Variants in ZNF592 observed in about 807,000 individuals in gnomAD.
ZNF592 encodes the protein zinc finger protein 592.
ZNF592 carries 11 observed loss-of-function variants against 80.3 expected under a neutral mutation model. The observed-to-expected ratio is 0.14, with a 90% confidence interval of 0.09 to 0.23. The LOEUF (loss-of-function observed/expected upper bound fraction) is 0.23. Ranked by LOEUF, ZNF592 falls within the 10% of genes least tolerant of loss-of-function variation. The pLI is 1.00. For missense variants in ZNF592, 1,420 were observed against 1,633.9 expected (o/e 0.87, Z 2.26); for synonymous variants, 646 against 640.3 (o/e 1.01, Z -0.13).
In ZNF592 at chr15:84,798,468, C is replaced by T. The variant is rs759629965; in HGVS notation, c.2730C>T (p.His910=). 9 of 1,613,788 alleles carry T rather than the reference C, an allele frequency of 5.6e-6. No homozygotes were observed. The highest frequency in any genetic ancestry group is 3.3e-5 in the South Asian group (3 of 91,060). Residue 910 remains histidine (H), a synonymous_variant, in exon 7 of 11, where the codon CAC becomes CAT. Coordinates refer to ENST00000560079, the MANE Select transcript of ZNF592 (RefSeq NM_014630.3). This position sits in a 1 kb window ranked among gnomAD's most constrained non-coding sequence, Gnocchi z 4.5. ...TGCAGAAGCCGGAGTTGATGCAACACGTCAAGGTGGGATGCCTTGCGGGAG... is the reference window on the plus strand; with the variant it reads ...TGCAGAAGCCGGAGTTGATGCAACATGTCAAGGTGGGATGCCTTGCGGGAG... ...LFVQKPELMQ[H]VKSTHGVPRN...
At chr15:84,765,759 C>G (rs1433635734) in intron 2 of ZNF592, among the ~76,000 whole-genome samples, 1 of 151,760 alleles carries the variant, frequency 6.6e-6, no homozygotes, top group African/African-American at 2.4e-5. Context: ...GGATGGTCTC[C>G]ATCTCTTGAC....
chr15:84,766,655 G>A (rs1023345875), intron 2 of ZNF592, among the ~76,000 whole-genome samples: 1 of 151,760 alleles, frequency 6.6e-6, no homozygotes, highest in African/African-American at 2.4e-5. Context: ...AGAAGAGAGG[G>A]AGAGAAAGTG....
chr15:84,756,336 T>A (rs1899169355), intron 1 of ZNF592, among the ~76,000 whole-genome samples: 1 of 152,238 alleles, frequency 6.6e-6, no homozygotes, highest in African/African-American at 2.4e-5. Context: ...ATTCCCCTGG[T>A]TTGCTGTAGT....
chr15:84,796,975 C>G (rs753009676), intron 5 of ZNF592, among the ~76,000 whole-genome samples: 1 of 152,068 alleles, frequency 6.6e-6, no homozygotes, highest in Non-Finnish European at 1.5e-5. Flanking sequence ...CCCCCGCTCC[C>G]CCCCAAGAGA....
chr15:84,776,968 C>T (rs1196113495), intron 2 of ZNF592, among the ~76,000 whole-genome samples: 1 of 152,012 alleles, frequency 6.6e-6, no homozygotes, highest in South Asian at 2.1e-4. Flanking sequence ...GGAAGAGTCG[C>T]TTGAACCTGG....
Position 84,755,103 on chromosome 15 carries a change from G to A in ZNF592, c.-259+6439G>A, listed in dbSNP as rs112712709. On this transcript the variant is annotated intron_variant, in intron 1 of 10. Transcript: ENST00000560079. Reference sequence around the variant, plus strand: ...CTCCGGAGTAGCTGGGACTACAGGCGTCCATCACCACACCCAGCTAATTTT... The same window carrying A: ...CTCCGGAGTAGCTGGGACTACAGGCATCCATCACCACACCCAGCTAATTTT... Among the ~76,000 whole-genome samples the A allele has an allele frequency of 9.0e-3, 1,326 of 147,406 alleles. 17 individuals are homozygous for A. The highest frequency in any genetic ancestry group is 0.032 in the African/African-American group (1,271 of 39,966).
At chr15:84,789,331 A>G (rs905373746) in intron 4 of ZNF592, among the ~76,000 whole-genome samples, 3 of 151,752 alleles carry the variant, frequency 2.0e-5, no homozygotes, top group Non-Finnish European at 2.9e-5. Flanking sequence ...CCTTTCATCC[A>G]TTGATGGATA....
Position 84,798,241 on chromosome 15 carries a change from C to A in ZNF592, c.2577-74C>A. ...TGCTTTCCCAAACTTGACCCTGGTT[C>A]AGAGAGAGCAGAGATGGGTGGAGGG... On this transcript the variant is annotated intron_variant, in intron 6 of 10. Coordinates refer to ENST00000560079, the MANE Select transcript of ZNF592 (RefSeq NM_014630.3). This position sits in a 1 kb window ranked among gnomAD's most constrained non-coding sequence, Gnocchi z 4.5. The A allele has an allele frequency of 1.2e-6, 2 of 1,608,042 alleles. No homozygotes were observed. Among genetic ancestry groups the A allele is most frequent in the Non-Finnish European group, 8.5e-7 (1 of 1,177,046 alleles).
chr15:84,757,399 G>C (rs1761517457), intron 1 of ZNF592, among the ~76,000 whole-genome samples: 1 of 149,474 alleles, frequency 6.7e-6, no homozygotes, highest in African/African-American at 2.5e-5. Flanking sequence ...GAGTTGGAGT[G>C]CAGTGGTGCA....
rs941138453 is a variant in ZNF592 at position 84,802,382 on chromosome 15, C to A, written c.3793C>A (p.Pro1265Thr). The A allele has an allele frequency of 6.2e-7, 1 of 1,613,480 alleles. No homozygotes were observed. Among genetic ancestry groups the A allele is most frequent in the Non-Finnish European group, 8.5e-7 (1 of 1,180,014 alleles). Residue 1265 changes from proline to threonine, a missense_variant, in exon 11 of 11, where the codon CCT (proline) becomes ACT (threonine). Transcript: ENST00000560079. ...SQDQDSHTLS[P>T]QV ...GGACCAGGACAGCCACACACTGTCC[C>A]CTCAGGTGTGACCGGAGACTTTGCA...
intron 5 of ZNF592, among the ~76,000 whole-genome samples, chr15:84,792,886 T>A (rs1962788635): frequency 6.6e-6 from 1 of 152,214 alleles, no homozygotes. Context: ...CTGAGGAGCA[T>A]TGCTTGGCAG....
chr15:84,749,795 T>C (rs1033108356), intron 1 of ZNF592, among the ~76,000 whole-genome samples: 4 of 152,238 alleles, frequency 2.6e-5, no homozygotes, highest in Non-Finnish European at 5.9e-5. Context: ...TCAACCTCAC[T>C]GTTACGTTAC....
At chr15:84,757,339 CTTT>C (rs34466288) in intron 1 of ZNF592, among the ~76,000 whole-genome samples, 20 of 120,754 alleles carry the variant, frequency 1.7e-4, no homozygotes, top group East Asian at 2.4e-4. Context: ...TCTTTCTTTC[CTTT>C]TTTTTTTTTT....
intron 1 of ZNF592, among the ~76,000 whole-genome samples, chr15:84,753,881 C>T (rs1035411504): frequency 1.3e-5 from 2 of 152,200 alleles, no homozygotes; most frequent in African/African-American, 4.8e-5. Context: ...AGAGCAATTG[C>T]ATGTACCCAA....
At position 84,802,224 on chromosome 15, in the gene ZNF592, A is replaced by T. The variant is rs774508329; in HGVS notation, c.3635A>T (p.Glu1212Val). ...GGCTCCGGGGAGGAGGTGCCCATGG[A>T]GACTAGAGAGAATGGACTGGAAGAA... Reference protein sequence around the residue: ...EEGSGEEVPMETRENGLEECA... With the variant: ...EEGSGEEVPMVTRENGLEECA... Residue 1212 changes from glutamate (E) to valine (V), a missense_variant, in exon 11 of 11, where the codon GAG (glutamate) becomes GTG (valine). By Grantham distance (121) the Glu-to-Val change is moderately radical. This residue lies in a region of ZNF592 where 145 missense variants were observed against 211.9 expected (regional missense o/e 0.68). Transcript: ENST00000560079. 44 of 1,599,704 alleles carry T rather than the reference A, an allele frequency of 2.8e-5. No homozygotes were observed. The highest frequency in any genetic ancestry group is 3.3e-4 in the Middle Eastern group (2 of 5,990).
intron 2 of ZNF592, among the ~76,000 whole-genome samples, chr15:84,769,663 G>T (rs1321978980): frequency 6.6e-6 from 1 of 152,116 alleles, no homozygotes; most frequent in Non-Finnish European, 1.5e-5. Context: ...GGCTGTGGAG[G>T]CTGTGGGAAA....
chr15:84,787,147 C>T (rs919792734), intron 4 of ZNF592, among the ~76,000 whole-genome samples: 4 of 152,102 alleles, frequency 2.6e-5, no homozygotes, highest in African/African-American at 7.2e-5. Flanking sequence ...CCATCACACC[C>T]GCCTCCTTGT....
At chr15:84,794,612 G>A (rs1962843578) in intron 5 of ZNF592, among the ~76,000 whole-genome samples, 1 of 152,068 alleles carries the variant, frequency 6.6e-6, no homozygotes, top group Admixed American at 6.5e-5. Context: ...GAATAGCTGG[G>A]ATTACAGACG....
chr15:84,798,945 C>T lies in ZNF592; in HGVS notation c.3024+70C>T. On this transcript the variant is annotated intron_variant, in intron 8 of 10. Transcript: ENST00000560079. This position sits in a 1 kb window ranked among gnomAD's most constrained non-coding sequence, Gnocchi z 4.5. The stretch of plus-strand genomic sequence containing the variant: ...ACTTCCTTCTGTGAAGCCAGAACCC[C>T]TAGGGTTCCTGGTGCTTAGGGCAGG... 3.8e-6 allele frequency: 6 copies of T among 1,597,490 alleles called. No homozygotes were observed. The highest frequency in any genetic ancestry group is 4.3e-6 in the Non-Finnish European group (5 of 1,174,114).
Sources: allele counts gnomAD v4.1 joint callset (sites outside exome capture counted in the v4.1 genomes callset), GRCh38; gene constraint gnomAD v4.1.1; regional missense constraint gnomAD v4.1.1; non-coding constraint Gnocchi (gnomAD v3.1); transcripts MANE v1.5; gene names NCBI Gene and HGNC (gene_info 2026-07-23, HGNC 2026-07-21).